The following CAND2 variants were observed in gnomAD, a reference collection of about 807,000 sequenced individuals.
The protein encoded by CAND2 is cullin associated and neddylation dissociated 2 (putative), also known as cullin-associated NEDD8-dissociated protein 2.
Under a neutral mutation model 98.9 loss-of-function variants are expected in CAND2, and 62 were observed. The observed-to-expected ratio is 0.63, with a 90% CI of 0.51 to 0.77. CAND2 has a LOEUF of 0.77. CAND2 is among the 30% of genes least tolerant of loss of function. The probability of loss-of-function intolerance (pLI) is 0.00; values close to 1 mark genes in which losing one functional copy is unlikely to be tolerated. For missense variants in CAND2, 1,501 were observed against 1,655.2 expected, an observed-to-expected ratio of 0.91 and a Z score of 1.62; for synonymous variants, 770 against 731.9, an observed-to-expected ratio of 1.05 and a Z score of -0.84.
intron 1 of CAND2, among the ~76,000 whole-genome samples, chr3:12,800,031 C>T (rs1463553525): frequency 6.6e-6 from 1 of 152,242 alleles, no homozygotes; most frequent in Non-Finnish European, 1.5e-5. Context: ...AGCAGAAACA[C>T]AACTTGGAGA....
In CAND2 at chr3:12,816,830, C is replaced by T. The variant is rs749368878; in HGVS notation, c.1898C>T (p.Ala633Val). 70 of 1,613,634 alleles carry T rather than the reference C, an allele frequency of 4.3e-5. No individual in the cohort carries two copies. In the Admixed American group the frequency reaches 9.8e-4, roughly 23 times the overall value. ...NEITRLPAIK[A>V]LTLVAVSPLQ... The stretch of plus-strand genomic sequence containing the variant: ...ATCACCCGGCTGCCCGCCATCAAGG[C>T]GCTTACGCTGGTGGCCGTATCCCCA... The change falls in exon 10 of 15, where the codon GCG becomes GTG. Residue 633 changes from alanine to valine, a missense_variant. Ala to Val is a moderately conservative substitution (Grantham distance 64). Transcript: ENST00000456430.
At chr3:12,812,869 A>G (rs2061864263) in intron 5 of CAND2, 121 bp from the exon 6 acceptor site, 1 of 650,252 alleles carries the variant, frequency 1.5e-6, no homozygotes, top group Admixed American at 2.6e-5. Flanking sequence ...TGACTATGAA[A>G]CCTCTGAGTT....
chr3:12,796,887 C>A, intron 1 of CAND2, 99 bp downstream of exon 1: 1 of 918,604 alleles, frequency 1.1e-6, no homozygotes, highest in Non-Finnish European at 1.7e-6. Flanking sequence ...GACCATGCAG[C>A]CCCCTGCCTC....
intron 1 of CAND2, among the ~76,000 whole-genome samples, chr3:12,797,132 G>A (rs910516712): frequency 1.3e-5 from 2 of 148,170 alleles, no homozygotes; most frequent in African/African-American, 2.5e-5. Context: ...TGTGTGTCCG[G>A]CCCCCTTCTT....
chr3:12,796,819 T>C, intron 1 of CAND2, 31 bp downstream of exon 1: 1 of 1,546,610 alleles, frequency 6.5e-7, no homozygotes. Context: ...CCTTCTCTCC[T>C]TCCCGCTCTG....
At position 12,815,226 on chromosome 3, in the gene CAND2, C is replaced by T; in HGVS notation, c.1092C>T (p.Ser364=). 1 of 1,613,810 alleles carries T rather than the reference C, an allele frequency of 6.2e-7. No individual in the cohort carries two copies. The highest frequency in any genetic ancestry group is 1.1e-5 in the South Asian group (1 of 91,084). ...CCAAGTGCATCGCAGCCTTGATCAG[C>T]TCGCGGCCTGACCTGCTGCCCGATT... ...AAAKCIAALI[S]SRPDLLPDFH... is the part of the protein sequence containing the mutation. Residue 364 remains serine, a synonymous_variant, in exon 8 of 15, where the codon AGC becomes AGT. Transcript: ENST00000456430. The surrounding 1 kb of genome is among the most constrained non-coding windows in gnomAD (Gnocchi z 5.7).
At chr3:12,819,975 T>A in intron 10 of CAND2, 111 bp from the exon 11 acceptor site, 1 of 796,466 alleles carries the variant, frequency 1.3e-6, no homozygotes, top group Non-Finnish European at 2.1e-6. Flanking sequence ...GGGGAGGGGG[T>A]ACAGTTCTGT....
intron 11 of CAND2, among the ~76,000 whole-genome samples, chr3:12,823,532 T>C (rs2061975136): frequency 2.0e-5 from 3 of 152,034 alleles, no homozygotes; most frequent in African/African-American, 4.8e-5. Context: ...ATCGAGACCA[T>C]CCTGGCTAAC....
chr3:12,810,756 T>C (rs2061846049), intron 5 of CAND2, among the ~76,000 whole-genome samples: 1 of 152,260 alleles, frequency 6.6e-6, no homozygotes, highest in Admixed American at 6.5e-5. Context: ...TAACAGCCCA[T>C]GAGCCAAGTT....
rs764793669 is a variant in CAND2, at chr3:12,817,641, G to A, written c.2709G>A (p.Gln903=). The A allele has an allele frequency of 3.1e-6, 5 of 1,613,038 alleles. No homozygotes were observed. In the African/African-American group the frequency reaches 6.7e-5, roughly 22 times the overall value. Reference sequence around the variant, plus strand: ...ACTTCCTGCCCTTCCTGCTGGAGCAGATCGAGGCTGAGCCCCGACGACAGT... The same window carrying A: ...ACTTCCTGCCCTTCCTGCTGGAGCAAATCGAGGCTGAGCCCCGACGACAGT... The part of the protein sequence containing the change: ...LPDFLPFLLE[Q]IEAEPRRQYL... The change falls in exon 10 of 15, where the codon CAG becomes CAA. Residue 903 remains glutamine (Q), a synonymous_variant. Transcript: ENST00000456430.
chr3:12,811,802 C>T (rs921585594), intron 5 of CAND2, among the ~76,000 whole-genome samples: 1 of 152,206 alleles, frequency 6.6e-6, no homozygotes, highest in African/African-American at 2.4e-5. Context: ...TCTTGAACCC[C>T]TGACCTTGTG....
At chr3:12,822,408 T>G (rs2061963662) in intron 11 of CAND2, among the ~76,000 whole-genome samples, 1 of 151,536 alleles carries the variant, frequency 6.6e-6, no homozygotes. Context: ...TCCTCCCACT[T>G]GAGCCTCCCA....
At chr3:12,831,755 A>G (rs926101387) in intron 14 of CAND2, among the ~76,000 whole-genome samples, 183 bp downstream of exon 14, 16 of 152,226 alleles carry the variant, frequency 1.1e-4, no homozygotes, top group Non-Finnish European at 1.9e-4. Context: ...AGGGGAACAG[A>G]GGCTTTGAGA....
In CAND2 at chr3:12,816,624, G is replaced by A. The variant is rs1395923209; in HGVS notation, c.1692G>A (p.Glu564=). 1 of 1,613,818 alleles carries A rather than the reference G, an allele frequency of 6.2e-7. No individual in the cohort carries two copies. Among genetic ancestry groups the A allele is most frequent in the Non-Finnish European group, 8.5e-7 (1 of 1,180,058 alleles). ...ACAGGCCTCGGATGCTGGATCCTGA[G>A]CCATATGTTGGAGAGATGTCTGCTG... The part of the protein sequence containing the change: ...PLHRPRMLDP[E]PYVGEMSAVT... The change falls in exon 10 of 15, where the codon GAG becomes GAA. Residue 564 remains glutamate (E), a synonymous_variant. Transcript: ENST00000456430.
At position 12,815,509 on chromosome 3, in the gene CAND2, G is replaced by A; in HGVS notation, c.1299+76G>A. On this transcript the variant is annotated intron_variant, in intron 8 of 14. Coordinates refer to ENST00000456430, the MANE Select transcript of CAND2 (RefSeq NM_001162499.2). The surrounding 1 kb of genome is among the most constrained non-coding windows in gnomAD (Gnocchi z 5.7). ...CTCACTGTTAGTGTCCCTGGACTTG[G>A]AAACTCAGCTGGGAGAACATCCAGC... 1 of 1,423,352 alleles carries A rather than the reference G, an allele frequency of 7.0e-7. No homozygotes were observed. Among genetic ancestry groups the A allele is most frequent in the Non-Finnish European group, 9.6e-7 (1 of 1,046,116 alleles). 88.2% of individuals were successfully genotyped at this position (1,423,352 alleles called of 1,614,324 possible). A position where few individuals can be genotyped will look rare whatever the true frequency, so the allele number is the denominator to read the frequency against.
At chr3:12,801,002 C>T (rs992830124) in intron 1 of CAND2, among the ~76,000 whole-genome samples, 3 of 149,072 alleles carry the variant, frequency 2.0e-5, no homozygotes, top group East Asian at 2.0e-4. Context: ...GGATTGCAGG[C>T]GTGAGCTGCT....
rs2062025891 is a variant in CAND2 at position 12,828,720 on chromosome 3, A to G, written c.3375+1116A>G. ...TGCGGTGCAGCCGTCACCACTGTCC[A>G]TCTCAGAACTCTTTTCTCCTTCCCA... On this transcript the variant is annotated intron_variant, in intron 13 of 14. Coordinates refer to ENST00000456430, the MANE Select transcript of CAND2 (RefSeq NM_001162499.2). Among the ~76,000 whole-genome samples, 5 of 152,294 alleles carry G rather than the reference A, an allele frequency of 3.3e-5. No homozygotes were observed. The South Asian group carries it at 8.3e-4, about 25-fold the overall frequency.
intron 11 of CAND2, 60 bp from the exon 12 acceptor site, chr3:12,825,410 A>AGGCGCG (rs1213918246): frequency 1.3e-6 from 2 of 1,484,228 alleles, no homozygotes; most frequent in African/African-American, 2.8e-5. Context: ...CGGGGTGGTG[A>AGGCGCG]GGGAGGTGAC....
chr3:12,803,723 AGAG>A lies in CAND2; in HGVS notation c.212+96_212+98del, dbSNP rs1026342643. On this transcript the variant is annotated intron_variant, in intron 2 of 14. Transcript: ENST00000456430. ...CTGTCCCTTTGGGGTACAGCCTCGC[AGAG>A]GAGACCTGCTGAGCAGCTCTCGTTG... is the stretch of plus-strand genomic sequence containing the variant. The A allele has an allele frequency of 1.4e-5, 17 of 1,181,446 alleles. No individual in the cohort carries two copies. The African/African-American group carries it at 2.5e-4, about 17-fold the overall frequency. The allele number at this position is 1,181,446 out of a possible 1,614,324, so 73.2% of individuals were successfully genotyped here.
Sources: allele counts gnomAD v4.1 joint callset (sites outside exome capture counted in the v4.1 genomes callset), GRCh38; gene constraint gnomAD v4.1.1; non-coding constraint Gnocchi (gnomAD v3.1); transcripts MANE v1.5; gene names NCBI Gene and HGNC (gene_info 2026-07-23, HGNC 2026-07-21).